Variants in DSN1 observed in about 807,000 individuals in gnomAD.
DSN1 encodes the protein kinetochore-associated protein DSN1 homolog.
In DSN1, 31 loss-of-function variants were observed where a neutral mutation model predicts 45.7. The observed-to-expected ratio is 0.68, with a 90% CI of 0.51 to 0.92. The LOEUF (loss-of-function observed/expected upper bound fraction) is 0.92, where lower values mean the gene tolerates loss of function less well. DSN1 is among the 40% of genes least tolerant of loss of function. The pLI, the probability that DSN1 is intolerant of heterozygous loss-of-function variation, is 0.00. For synonymous variants in DSN1, 134 were observed against 142.3 expected (o/e 0.94, Z 0.41); for missense variants, 394 against 414.2 (o/e 0.95, Z 0.42).
chr20:36,758,483 A>G lies in DSN1; in HGVS notation c.650+75T>C, dbSNP rs1413101699. 6.2e-6 allele frequency: 8 copies of G among 1,284,660 alleles called. No homozygotes were observed. The East Asian group carries it at 1.4e-4, about 22-fold the overall frequency. 79.6% of individuals were successfully genotyped at this position (1,284,660 alleles called of 1,614,324 possible). ...TGACTCTCCAAATACAATGCTTACT[A>G]TTCATTTTTTCCAAGTTAGTTAATT... On this transcript the variant is annotated intron_variant, in intron 7 of 10. Coordinates refer to ENST00000373750, the MANE Select transcript of DSN1 (RefSeq NM_001145315.2).
chr20:36,773,262 G>T, intron 1 of DSN1: 1 of 542,390 alleles, frequency 1.8e-6, no homozygotes, highest in Non-Finnish European at 2.4e-6. Flanking sequence ...AACTCCGTAA[G>T]CACCATTAAC....
intron 6 of DSN1, among the ~76,000 whole-genome samples, chr20:36,761,650 T>G (rs1986988017): frequency 6.6e-6 from 1 of 151,338 alleles, no homozygotes; most frequent in Non-Finnish European, 1.5e-5. Flanking sequence ...CACCTGAGGT[T>G]AGGAGTTCAA....
rs1431336029 is a variant in DSN1, at chr20:36,758,682, ATAAAT to A, written c.591-70_591-66del. The A allele has an allele frequency of 4.8e-5, 69 of 1,432,086 alleles. No homozygotes were observed. The Middle Eastern group carries it at 2.5e-3, about 51-fold the overall frequency. 88.7% of individuals were successfully genotyped at this position (1,432,086 alleles called of 1,614,324 possible). On this transcript the variant is annotated intron_variant, in intron 6 of 10. Transcript: ENST00000373750. ...AATATTTGCTTTAATATAATCGCTTATAAATTAGTTATTTATTTATTTCAGACGGA... is the reference window on the plus strand; with the variant it reads ...AATATTTGCTTTAATATAATCGCTTATAGTTATTTATTTATTTCAGACGGA...
intron 2 of DSN1, 102 bp downstream of exon 2, chr20:36,771,323 G>T: frequency 6.7e-7 from 1 of 1,486,694 alleles, no homozygotes; most frequent in Non-Finnish European, 9.2e-7. Context: ...TGCAAATAAT[G>T]AGTATGTGAT....
At chr20:36,758,241 G>T in intron 7 of DSN1, 80 bp from the exon 8 acceptor site, 1 of 1,330,042 alleles carries the variant, frequency 7.5e-7, no homozygotes, top group Non-Finnish European at 1.1e-6. Context: ...AAGTATGTGA[G>T]GTGTACAATC....
In DSN1 at chr20:36,752,721, C is replaced by A; in HGVS notation, c.*67G>T. On this transcript the variant is annotated 3_prime_UTR_variant, in exon 11 of 11. Transcript: ENST00000373750. ...GCAACGAGCAGAAATCACGCAGTCA[C>A]CACGTGCTGGGGCACTCTTCCCATT... The A allele has an allele frequency of 7.6e-7, 1 of 1,312,986 alleles. No individual in the cohort carries two copies. Among genetic ancestry groups the A allele is most frequent in the Non-Finnish European group, 1.1e-6 (1 of 909,470 alleles). 81.3% of individuals were successfully genotyped at this position (1,312,986 alleles called of 1,614,324 possible). A position where few individuals can be genotyped will look rare whatever the true frequency, so the allele number is the denominator to read the frequency against.
At position 36,771,051 on chromosome 20, in the gene DSN1, A is replaced by C. The variant is rs372311632; in HGVS notation, c.177T>G (p.Pro59=). The C allele has an allele frequency of 7.4e-6, 12 of 1,614,138 alleles. No homozygotes were observed. In the South Asian group the frequency reaches 1.1e-4, roughly 15 times the overall value. The change falls in exon 3 of 11, where the codon CCT becomes CCG. Residue 59 remains proline (P), a synonymous_variant. Coordinates refer to ENST00000373750, the MANE Select transcript of DSN1 (RefSeq NM_001145315.2). ...TGAGATCACAATTTCCCCCTTTTTT[A>C]GGGCTAGAGCCAAGGTGAATTCTTT... ...SEERIHLGSS[P]KKGGNCDLSH...
intron 10 of DSN1, among the ~76,000 whole-genome samples, chr20:36,754,510 T>C (rs545932968): frequency 1.3e-5 from 2 of 152,326 alleles, no homozygotes; most frequent in South Asian, 4.1e-4. Flanking sequence ...TTCTTAAGTC[T>C]TGGATTTACC....
intron 5 of DSN1, among the ~76,000 whole-genome samples, chr20:36,766,433 C>A (rs887281668): frequency 6.6e-6 from 1 of 151,668 alleles, no homozygotes; most frequent in Non-Finnish European, 1.5e-5. Context: ...TTTGGGAGGC[C>A]AAGGTGGGCA....
At chr20:36,759,981 C>T (rs921079738) in intron 6 of DSN1, among the ~76,000 whole-genome samples, 3 of 151,884 alleles carry the variant, frequency 2.0e-5, no homozygotes, top group African/African-American at 4.8e-5. Context: ...TGGTGGCTCA[C>T]GACCGTAATC....
chr20:36,758,895 C>T lies in DSN1; in HGVS notation c.591-278G>A, dbSNP rs531631672. On this transcript the variant is annotated intron_variant, in intron 6 of 10. Transcript: ENST00000373750. The stretch of plus-strand genomic sequence containing the variant: ...AGAGGTGGGGTTTCTCCATGTTGGT[C>T]AGGCTGGTCTCAAACTCCCGACCTC... 1.1e-4 allele frequency among the ~76,000 whole-genome samples: 16 copies of T among 152,256 alleles called. No homozygotes were observed. In the South Asian group the frequency reaches 3.3e-3, roughly 32 times the overall value.
At chr20:36,760,561 G>C (rs1463150792) in intron 6 of DSN1, among the ~76,000 whole-genome samples, 2 of 152,112 alleles carry the variant, frequency 1.3e-5, no homozygotes, top group Non-Finnish European at 2.9e-5. Flanking sequence ...ACCACCTCTG[G>C]CTAAGAAACA....
chr20:36,768,329 G>C (rs768448024), intron 3 of DSN1, among the ~76,000 whole-genome samples: 23 of 152,114 alleles, frequency 1.5e-4, no homozygotes, highest in African/African-American at 2.4e-4. Context: ...GATCACTTGA[G>C]ACCACGAGCT....
intron 10 of DSN1, among the ~76,000 whole-genome samples, chr20:36,754,278 T>C (rs534698566): frequency 9.9e-5 from 15 of 152,146 alleles, no homozygotes; most frequent in African/African-American, 3.6e-4. Context: ...GAGGCTGCAG[T>C]GAGCTGTGCA....
At chr20:36,770,779 C>T in intron 3 of DSN1, 94 bp downstream of exon 3, 1 of 1,394,748 alleles carries the variant, frequency 7.2e-7, no homozygotes, top group Non-Finnish European at 9.7e-7. Context: ...TATTCTCCCA[C>T]ACTTTCTGCC....
At chr20:36,766,203 A>AG (rs1987327852) in intron 5 of DSN1, among the ~76,000 whole-genome samples, 1 of 151,514 alleles carries the variant, frequency 6.6e-6, no homozygotes, top group African/African-American at 2.4e-5. Context: ...TCAAAAAAAA[A>AG]AAAAAAAAAG....
intron 6 of DSN1, among the ~76,000 whole-genome samples, chr20:36,761,739 A>C (rs1986991951): frequency 6.6e-6 from 1 of 151,818 alleles, no homozygotes; most frequent in Non-Finnish European, 1.5e-5. Flanking sequence ...GCTCACACCT[A>C]TAATCTCAGC....
Position 36,752,562 on chromosome 20 carries a change from A to G in DSN1, c.*226T>C, listed in dbSNP as rs960037939. On this transcript the variant is annotated 3_prime_UTR_variant, in exon 11 of 11. Coordinates refer to ENST00000373750, the MANE Select transcript of DSN1 (RefSeq NM_001145315.2). ...GATCTGAAGATCATTTCAAAAAAGA[A>G]GTTTGAACTTTCAAGCATTTTGCAC... is the stretch of plus-strand genomic sequence containing the variant. 7.1e-6 allele frequency: 3 copies of G among 423,740 alleles called. No individual in the cohort carries two copies. The highest frequency in any genetic ancestry group is 6.1e-5 in the African/African-American group (3 of 48,890). The allele number at this position is 423,740 out of a possible 1,614,324, so 26.2% of individuals were successfully genotyped here.
At chr20:36,768,504 T>C (rs1987472154) in intron 3 of DSN1, among the ~76,000 whole-genome samples, 1 of 152,186 alleles carries the variant, frequency 6.6e-6, no homozygotes, top group South Asian at 2.1e-4. Flanking sequence ...GAGGTTGCAG[T>C]AGCTGAGATT....
Sources: allele counts gnomAD v4.1 joint callset (sites outside exome capture counted in the v4.1 genomes callset), GRCh38; gene constraint gnomAD v4.1.1; transcripts MANE v1.5; gene names NCBI Gene and HGNC (gene_info 2026-07-23, HGNC 2026-07-21).